Variants in SLC29A3 observed in about 807,000 individuals in gnomAD.
SLC29A3 encodes the protein solute carrier family 29 member 3.
A neutral mutation model predicts 25.4 loss-of-function variants in SLC29A3; 18 were observed. The observed-to-expected ratio is 0.71, with a 90% CI of 0.49 to 1.05. SLC29A3 has a LOEUF of 1.05. Among genes scored for constraint, SLC29A3 ranks in the 50% least tolerant of loss-of-function variants. The pLI, the probability that SLC29A3 is intolerant of heterozygous loss-of-function variation, is 0.00. For synonymous variants in SLC29A3, 258 were observed against 267.1 expected (o/e 0.97, Z 0.33); for missense variants, 586 against 609.0 (o/e 0.96, Z 0.40).
intron 2 of SLC29A3, among the ~76,000 whole-genome samples, chr10:71,327,693 T>C (rs1390953730): frequency 6.8e-6 from 1 of 147,744 alleles, no homozygotes; most frequent in African/African-American, 2.5e-5. Context: ...TAGGGTACTA[T>C]CCTGGAGATT....
At chr10:71,374,083 T>C (rs1455225139) in intron 3 of SLC29A3, among the ~76,000 whole-genome samples, 2 of 152,246 alleles carry the variant, frequency 1.3e-5, no homozygotes, top group Admixed American at 6.5e-5. Context: ...AACTTACATA[T>C]GAAAACACCT....
chr10:71,356,057 C>G (rs1846896918), intron 4 of SLC29A3, 24 bp from the exon 5 acceptor site: 1 of 1,613,074 alleles, frequency 6.2e-7, no homozygotes, highest in Non-Finnish European at 8.5e-7. Context: ...CTCACCATCT[C>G]TGCGTGTCCT....
exon 5 of SLC29A3, chr10:71,380,270 CT>C (rs1362402600): frequency 2.0e-5 from 3 of 152,168 alleles, no homozygotes; most frequent in Non-Finnish European, 2.9e-5. Flanking sequence ...ATTTTTCTCC[CT>C]GCGATGTAGG....
At chr10:71,325,559 T>TC (rs998477981) in intron 2 of SLC29A3, among the ~76,000 whole-genome samples, 1 of 151,750 alleles carries the variant, frequency 6.6e-6, no homozygotes, top group African/African-American at 2.4e-5. Context: ...ACCCCTCAAC[T>TC]CCCCCCATGA....
chr10:71,379,650 C>T (rs1847288252), intron 4 of SLC29A3: 1 of 152,248 alleles, frequency 6.6e-6, no homozygotes, highest in Admixed American at 6.5e-5. Context: ...CTCTGCTCAG[C>T]TTATCAGAAC....
At chr10:71,354,174 C>T (rs780676) in intron 4 of SLC29A3, among the ~76,000 whole-genome samples, 95,294 of 152,064 alleles carry the variant, frequency 0.63, 31,949 homozygotes, top group Non-Finnish European at 0.76. Flanking sequence ...GGCACTTCTC[C>T]GCACCAGGCA....
intron 3 of SLC29A3, among the ~76,000 whole-genome samples, chr10:71,368,414 C>T (rs1412180943): frequency 2.0e-5 from 3 of 152,214 alleles, no homozygotes; most frequent in African/African-American, 7.2e-5. Context: ...CTATGGCAGG[C>T]TGTACCCTGT....
At position 71,322,812 on chromosome 10, in the gene SLC29A3, A is replaced by T; in HGVS notation, c.58A>T (p.Thr20Ser). ...QHSSNSTYRT[T>S]SSSLRADQEA... The stretch of plus-strand genomic sequence containing the variant: ...CAGTTCAAACTCCACCTACAGAACC[A>T]CAAGCAGCAGTCTCCGAGCTGACCA... Residue 20 changes from threonine (T) to serine (S), a missense_variant, in exon 2 of 6, where the codon ACA (threonine) becomes TCA (serine). By Grantham distance (58) the Thr-to-Ser change is moderately conservative (BLOSUM62 1). Transcript: ENST00000373189. 3 of 1,614,198 alleles carry T rather than the reference A, an allele frequency of 1.9e-6. No individual in the cohort carries two copies. The highest frequency in any genetic ancestry group is 2.5e-6 in the Non-Finnish European group (3 of 1,180,034).
intron 2 of SLC29A3, among the ~76,000 whole-genome samples, chr10:71,341,234 A>G (rs978282793): frequency 4.2e-5 from 6 of 142,408 alleles, no homozygotes; most frequent in Non-Finnish European, 7.4e-5. Context: ...CTTTGGTGGC[A>G]GTGGTGGCAG....
intron 5 of SLC29A3, among the ~76,000 whole-genome samples, chr10:71,360,068 C>T (rs143020750): frequency 1.1e-3 from 164 of 151,840 alleles, no homozygotes; most frequent in Non-Finnish European, 2.1e-3. Flanking sequence ...AGGGCTACTC[C>T]GTGCCTGAAG....
intron 5 of SLC29A3, among the ~76,000 whole-genome samples, chr10:71,358,125 C>T (rs539549821): frequency 8.8e-4 from 134 of 152,262 alleles, no homozygotes; most frequent in African/African-American, 2.9e-3. Flanking sequence ...CCAGGTCACT[C>T]ATCTGGTGAG....
chr10:71,336,208 C>T (rs772712109), intron 2 of SLC29A3, among the ~76,000 whole-genome samples: 2 of 152,150 alleles, frequency 1.3e-5, no homozygotes, highest in East Asian at 1.9e-4. Context: ...CCTCTTTTCC[C>T]GTATACTGTG....
At chr10:71,376,395 G>GTT (rs1847251987) in intron 4 of SLC29A3, among the ~76,000 whole-genome samples, 2 of 27,952 alleles carry the variant, frequency 7.2e-5, no homozygotes, top group Admixed American at 1.8e-4. Context: ...GCCCTGTAGA[G>GTT]CTGTGTCAGA....
rs150879861 is a variant in SLC29A3 at position 71,351,676 on chromosome 10, G to A, written c.498G>A (p.Ala166=). Residue 166 remains alanine, a synonymous_variant, in exon 4 of 6, where the codon GCG becomes GCA. Transcript: ENST00000373189. ...DTSSWTRGFF[A]VTIVCMVILS... is the part of the protein sequence containing the mutation. ...CCTCCTGGACCCGTGGCTTTTTTGC[G>A]GTCACCATTGTCTGCATGGTGATCC... The A allele has an allele frequency of 7.4e-5, 120 of 1,613,956 alleles. No homozygotes were observed. Among genetic ancestry groups the A allele is most frequent in the Middle Eastern group, 1.6e-4 (1 of 6,084 alleles).
chr10:71,338,905 A>C (rs1286096993), intron 2 of SLC29A3, among the ~76,000 whole-genome samples: 6 of 152,222 alleles, frequency 3.9e-5, no homozygotes, highest in Admixed American at 6.5e-5. Flanking sequence ...TGTGGCTGCC[A>C]GGCCCAGCAT....
Position 71,320,201 on chromosome 10 carries a change from G to A in SLC29A3, c.1+891G>A, listed in dbSNP as rs187343835. 4.6e-3 allele frequency among the ~76,000 whole-genome samples: 708 copies of A among 152,298 alleles called. 5 individuals are homozygous for A. The highest frequency in any genetic ancestry group is 0.014 in the Middle Eastern group (4 of 294). On this transcript the variant is annotated intron_variant, in intron 1 of 5. Coordinates refer to ENST00000373189, the MANE Select transcript of SLC29A3 (RefSeq NM_018344.6). ...AGCCAGGTGTGGTCCTGAGTGACAG[G>A]GCTGGTGGACCTTCTAGCCGCCCCC... is the stretch of plus-strand genomic sequence containing the variant.
At chr10:71,360,548 G>A (rs1847029852) in intron 5 of SLC29A3, among the ~76,000 whole-genome samples, 1 of 152,212 alleles carries the variant, frequency 6.6e-6, no homozygotes, top group African/African-American at 2.4e-5. Flanking sequence ...GATGAACAGG[G>A]CAAGTTACTT....
At chr10:71,319,376 G>T in intron 1 of SLC29A3, 66 bp downstream of exon 1, 1 of 597,446 alleles carries the variant, frequency 1.7e-6, no homozygotes, top group South Asian at 1.9e-5. Context: ...CGCGCTCAGC[G>T]ACCTCCCTCC....
In SLC29A3 at chr10:71,362,162, AC is replaced by A. The variant is rs1415833135; in HGVS notation, c.984del (p.Asn329ThrfsTer76). On this transcript the variant is annotated frameshift_variant, in exon 6 of 6. Coordinates refer to ENST00000373189, the MANE Select transcript of SLC29A3 (RefSeq NM_018344.6). LOFTEE classifies it high-confidence loss of function. ...CAGCCTCATCTACCCCGCCATCTGCACCAACATCGAGTCCCTCAACAAGGGT... is the reference window on the plus strand; with the variant it reads ...CAGCCTCATCTACCCCGCCATCTGCACAACATCGAGTCCCTCAACAAGGGT... ...ITSLIYPAICTNIESLNKGSG... is the reference protein window; with the variant it reads ...ITSLIYPAICXNIESLNKGSG... 30 of 1,613,852 alleles carry A rather than the reference AC, an allele frequency of 1.9e-5. No individual in the cohort carries two copies. Among genetic ancestry groups the A allele is most frequent in the African/African-American group, 2.7e-5 (2 of 74,852 alleles).
Sources: allele counts gnomAD v4.1 joint callset (sites outside exome capture counted in the v4.1 genomes callset), GRCh38; gene constraint gnomAD v4.1.1; transcripts MANE v1.5; gene names NCBI Gene and HGNC (gene_info 2026-07-23, HGNC 2026-07-21).